Variants in PCDHGA2 observed in about 807,000 individuals in gnomAD.
PCDHGA2 encodes protocadherin gamma subfamily A, 2.
Under a neutral mutation model 59.2 loss-of-function variants are expected in PCDHGA2, and 40 were observed. The ratio of observed to expected loss-of-function variants is 0.68; its 90% CI spans 0.52 to 0.88. PCDHGA2 has a LOEUF of 0.88. Among genes scored for constraint, PCDHGA2 ranks in the 40% least tolerant of loss-of-function variants. The pLI is 0.00. For missense variants in PCDHGA2, 1,226 were observed against 1,204.0 expected (o/e 1.02, Z -0.27); for synonymous variants, 560 against 526.0 (o/e 1.06, Z -0.89).
At chr5:141,422,604 T>C in intron 1 of PCDHGA2, 1 of 1,614,030 alleles carries the variant, frequency 6.2e-7, no homozygotes, top group Non-Finnish European at 8.5e-7. Flanking sequence ...CCTCTTACTC[T>C]GCCTACATTC....
At chr5:141,434,667 G>A (rs1464226862) in intron 1 of PCDHGA2, among the ~76,000 whole-genome samples, 5 of 151,956 alleles carry the variant, frequency 3.3e-5, no homozygotes, top group African/African-American at 1.2e-4. Context: ...CTATAGAAAT[G>A]ATGCTAATGA....
intron 1 of PCDHGA2, chr5:141,350,239 A>G: frequency 6.7e-7 from 1 of 1,503,466 alleles, no homozygotes; most frequent in Non-Finnish European, 8.9e-7. Flanking sequence ...AGAGGAAAGA[A>G]GCTCCGCGGA....
At chr5:141,370,770 A>G (rs1479523551) in intron 1 of PCDHGA2, 1 of 1,614,024 alleles carries the variant, frequency 6.2e-7, no homozygotes, top group South Asian at 1.1e-5. Context: ...GATCCAGGAT[A>G]TTAACGACAA....
intron 1 of PCDHGA2, chr5:141,393,536 T>G: frequency 6.2e-7 from 1 of 1,613,934 alleles, no homozygotes; most frequent in South Asian, 1.1e-5. Flanking sequence ...ATGCCCCGGT[T>G]TTTCCTCACC....
rs1000935525 is a variant in PCDHGA2 at position 141,512,962 on chromosome 5, G to A, written c.*1789G>A. The A allele has an allele frequency of 1.3e-5, 2 of 152,030 alleles. No individual in the cohort carries two copies. The highest frequency in any genetic ancestry group is 4.8e-5 in the African/African-American group (2 of 41,366). The allele number at this position is 152,030 out of a possible 1,614,324, so 9.4% of individuals were successfully genotyped here. ...TTCTTCGACAAAAAAATAATAAAACGTTTCTTCTGAAAAGCTGAACGTTTC... is the reference window on the plus strand; with the variant it reads ...TTCTTCGACAAAAAAATAATAAAACATTTCTTCTGAAAAGCTGAACGTTTC... On this transcript the variant is annotated 3_prime_UTR_variant, in exon 4 of 4. Transcript: ENST00000394576.
intron 1 of PCDHGA2, among the ~76,000 whole-genome samples, chr5:141,438,591 CATATATATATATATATATAT>C (rs946798767): frequency 2.1e-4 from 16 of 75,572 alleles, no homozygotes; most frequent in Middle Eastern, 0.016. Context: ...TACATACATA[CATATATATATATATATATAT>C]ATATATATAT....
chr5:141,508,540 G>A (rs993826709), intron 3 of PCDHGA2, among the ~76,000 whole-genome samples: 3 of 152,144 alleles, frequency 2.0e-5, no homozygotes, highest in African/African-American at 4.8e-5. Flanking sequence ...CCCCCCACGA[G>A]GTGGGCGGGG....
At chr5:141,421,080 C>CA (rs2096545590) in intron 1 of PCDHGA2, 1 of 638,250 alleles carries the variant, frequency 1.6e-6, no homozygotes, top group East Asian at 2.9e-5. Context: ...GATGGATACT[C>CA]ACAGATCCTG....
intron 1 of PCDHGA2, chr5:141,356,868 C>A: frequency 6.2e-7 from 1 of 1,614,206 alleles, no homozygotes; most frequent in Non-Finnish European, 8.5e-7. Context: ...TGGACCAGAA[C>A]GACAATGTCC....
chr5:141,497,385 C>T (rs2154592097), intron 2 of PCDHGA2, among the ~76,000 whole-genome samples: 1 of 152,212 alleles, frequency 6.6e-6, no homozygotes, highest in African/African-American at 2.4e-5. Flanking sequence ...GGGGTGAGCA[C>T]CTTACCCCTG....
At chr5:141,360,235 C>G in intron 1 of PCDHGA2, 1 of 1,613,896 alleles carries the variant, frequency 6.2e-7, no homozygotes, top group Non-Finnish European at 8.5e-7. Context: ...AGTCCAGATC[C>G]GCTATTCAAT....
intron 1 of PCDHGA2, among the ~76,000 whole-genome samples, chr5:141,447,640 G>A (rs184184100): frequency 6.6e-6 from 1 of 152,198 alleles, no homozygotes; most frequent in Admixed American, 6.5e-5. Flanking sequence ...TATGAATGAT[G>A]GTAGAATTTT....
Position 141,490,089 on chromosome 5 carries a change from C to G in PCDHGA2, c.2425-4718C>G. On this transcript the variant is annotated intron_variant, in intron 1 of 3. Transcript: ENST00000394576. This position sits in a 1 kb window ranked among gnomAD's most constrained non-coding sequence, Gnocchi z 5.4. ...GCCAACTAGACTATTCTTTTGGAGACCACACATCTGAGGCAGTGCGGAACC... is the reference window on the plus strand; with the variant it reads ...GCCAACTAGACTATTCTTTTGGAGAGCACACATCTGAGGCAGTGCGGAACC... 1 of 1,614,232 alleles carries G rather than the reference C, an allele frequency of 6.2e-7. No homozygotes were observed. The highest frequency in any genetic ancestry group is 8.5e-7 in the Non-Finnish European group (1 of 1,180,026).
At chr5:141,481,587 G>A (rs1276529821) in intron 1 of PCDHGA2, among the ~76,000 whole-genome samples, 1 of 152,198 alleles carries the variant, frequency 6.6e-6, no homozygotes, top group African/African-American at 2.4e-5. Context: ...GGAGGCTGAG[G>A]CCAGCGGATC....
At chr5:141,382,988 G>A (rs958046112) in intron 1 of PCDHGA2, 1 of 1,613,208 alleles carries the variant, frequency 6.2e-7, no homozygotes, top group East Asian at 2.2e-5. Context: ...TGGGCAGGAC[G>A]TATTCTCTAC....
chr5:141,365,561 G>A lies in PCDHGA2; in HGVS notation c.2424+24166G>A. On this transcript the variant is annotated intron_variant, in intron 1 of 3. Coordinates refer to ENST00000394576, the MANE Select transcript of PCDHGA2 (RefSeq NM_018915.4). Reference sequence around the variant, plus strand: ...TCACCTATTAACAACTAGGGACCTGGACAGAGAAGAGACTTCAGATTATAA... The same window carrying A: ...TCACCTATTAACAACTAGGGACCTGAACAGAGAAGAGACTTCAGATTATAA... 2 of 1,613,682 alleles carry A rather than the reference G, an allele frequency of 1.2e-6. No homozygotes were observed. The highest frequency in any genetic ancestry group is 1.7e-6 in the Non-Finnish European group (2 of 1,179,886).
chr5:141,357,181 A>G (rs1760501412), intron 1 of PCDHGA2: 3 of 1,613,644 alleles, frequency 1.9e-6, no homozygotes, highest in Non-Finnish European at 2.5e-6. Context: ...CGTCACACTC[A>G]CTGTGGCTGT....
At chr5:141,402,353 GA>G (rs1261209598) in intron 1 of PCDHGA2, among the ~76,000 whole-genome samples, 2 of 151,844 alleles carry the variant, frequency 1.3e-5, no homozygotes, top group Non-Finnish European at 2.9e-5. Context: ...AATTAAAAAT[GA>G]ATGTACTTCC....
chr5:141,490,736 A>G lies in PCDHGA2; in HGVS notation c.2425-4071A>G, dbSNP rs747567176. The G allele has an allele frequency of 5.0e-6, 8 of 1,614,084 alleles. No individual in the cohort carries two copies. Among genetic ancestry groups the G allele is most frequent in the Non-Finnish European group, 6.8e-6 (8 of 1,180,034 alleles). On this transcript the variant is annotated intron_variant, in intron 1 of 3. Transcript: ENST00000394576. This position sits in a 1 kb window ranked among gnomAD's most constrained non-coding sequence, Gnocchi z 5.4. The stretch of plus-strand genomic sequence containing the variant: ...TACTCCATTGTAGGAAATCAGGTTC[A>G]GGGAGCCCCAGCCTCCTCCTTTGTG...
Sources: allele counts gnomAD v4.1 joint callset (sites outside exome capture counted in the v4.1 genomes callset), GRCh38; gene constraint gnomAD v4.1.1; non-coding constraint Gnocchi (gnomAD v3.1); transcripts MANE v1.5; gene names NCBI Gene and HGNC (gene_info 2026-07-23, HGNC 2026-07-21).